Variants in RBFOX3 observed in about 807,000 individuals in gnomAD.
RBFOX3 encodes the protein RNA binding fox-1 homolog 3.
RBFOX3 carries 17 observed loss-of-function variants against 48.7 expected under a neutral mutation model. That is an observed-to-expected ratio of 0.35 (90% CI 0.24 to 0.52). The LOEUF (loss-of-function observed/expected upper bound fraction) is 0.52. RBFOX3 is among the 20% of genes least tolerant of loss of function. RBFOX3 has a pLI of 0.94. For missense variants in RBFOX3, 382 were observed against 497.5 expected (o/e 0.77, Z 2.21); for synonymous variants, 212 against 209.5 (o/e 1.01, Z -0.10).
At chr17:79,307,454 T>A (rs1051886921) in intron 3 of RBFOX3, among the ~76,000 whole-genome samples, 1 of 152,270 alleles carries the variant, frequency 6.6e-6, no homozygotes, top group African/African-American at 2.4e-5. Context: ...CTTACCTCCC[T>A]TGCTTGCTGA....
intron 1 of RBFOX3, among the ~76,000 whole-genome samples, chr17:79,596,383 G>C (rs1490046081): frequency 6.6e-6 from 1 of 152,148 alleles, no homozygotes; most frequent in African/African-American, 2.4e-5. Context: ...CCAGGCCCTG[G>C]GGCTCTCTGA....
At chr17:79,283,289 A>C (rs1285577801) in intron 3 of RBFOX3, among the ~76,000 whole-genome samples, 1 of 112,252 alleles carries the variant, frequency 8.9e-6, no homozygotes, top group Non-Finnish European at 1.7e-5. Flanking sequence ...TTTTTTTGAG[A>C]TGGGAGTCTT....
At chr17:79,137,427 C>T (rs1212391190) in intron 4 of RBFOX3, among the ~76,000 whole-genome samples, 1 of 152,100 alleles carries the variant, frequency 6.6e-6, no homozygotes, top group African/African-American at 2.4e-5. Context: ...GGCAAAATCA[C>T]CCCCTGTTGA....
chr17:79,542,979 G>A (rs1203337279), intron 1 of RBFOX3, among the ~76,000 whole-genome samples: 1 of 152,052 alleles, frequency 6.6e-6, no homozygotes, highest in Non-Finnish European at 1.5e-5. Context: ...CACGTCAACT[G>A]CCCAGCTCTC....
At chr17:79,488,506 A>C (rs2080002238) in intron 1 of RBFOX3, among the ~76,000 whole-genome samples, 1 of 152,188 alleles carries the variant, frequency 6.6e-6, no homozygotes. Context: ...CAACAGCCTG[A>C]TTGGCATGCC....
chr17:79,175,942 C>T (rs1489113758), intron 4 of RBFOX3, among the ~76,000 whole-genome samples: 3 of 152,192 alleles, frequency 2.0e-5, no homozygotes, highest in African/African-American at 4.8e-5. Context: ...CCTGGGGGCT[C>T]GCATACACCC....
At chr17:79,206,892 T>C (rs1184686137) in intron 4 of RBFOX3, among the ~76,000 whole-genome samples, 1 of 152,194 alleles carries the variant, frequency 6.6e-6, no homozygotes, top group Non-Finnish European at 1.5e-5. Flanking sequence ...ATTGACTCAA[T>C]AGTACACCTG....
chr17:79,332,508 A>AG lies in RBFOX3; in HGVS notation c.-174-24685dup, dbSNP rs1297831860. Among the ~76,000 whole-genome samples the AG allele has an allele frequency of 1.6e-4, 22 of 140,680 alleles. No homozygotes were observed. The Admixed American group carries it at 1.6e-3, about 10-fold the overall frequency. 92.3% of individuals were successfully genotyped at this position (140,680 alleles called of 152,430 possible). ...AGATGAGAGACGGGGTGCAGAGGGGAGGGGAGCACATGAGTGAGGGGCAGC... is the reference window on the plus strand; with the variant it reads ...AGATGAGAGACGGGGTGCAGAGGGGAGGGGGAGCACATGAGTGAGGGGCAGC... On this transcript the variant is annotated intron_variant, in intron 2 of 14. Coordinates refer to ENST00000693108, the MANE Select transcript of RBFOX3 (RefSeq NM_001350451.2).
chr17:79,301,365 G>T (rs1236622815), intron 3 of RBFOX3, among the ~76,000 whole-genome samples: 1 of 152,242 alleles, frequency 6.6e-6, no homozygotes, highest in Non-Finnish European at 1.5e-5. Flanking sequence ...GTCTCCCAGG[G>T]TGATGCAGCT....
chr17:79,516,264 G>A (rs2085236731), intron 1 of RBFOX3: 1 of 152,216 alleles, frequency 6.6e-6, no homozygotes, highest in South Asian at 2.1e-4. Context: ...AGTAAGAAGG[G>A]ACAGACATTG....
At chr17:79,454,448 C>T (rs956693829) in intron 2 of RBFOX3, among the ~76,000 whole-genome samples, 1 of 152,260 alleles carries the variant, frequency 6.6e-6, no homozygotes. Context: ...CCACCAACCT[C>T]ACCTCTCCTG....
intron 4 of RBFOX3, among the ~76,000 whole-genome samples, chr17:79,155,312 C>A (rs2045533064): frequency 6.6e-6 from 1 of 152,168 alleles, no homozygotes. Context: ...TCAGACTCCT[C>A]AACACTTTCC....
chr17:79,295,205 A>G (rs2074132727), intron 3 of RBFOX3, among the ~76,000 whole-genome samples: 1 of 152,186 alleles, frequency 6.6e-6, no homozygotes, highest in African/African-American at 2.4e-5. Context: ...CAGCACGCAG[A>G]TGAAATCCGC....
At chr17:79,262,860 C>A (rs1338252429) in intron 3 of RBFOX3, among the ~76,000 whole-genome samples, 2 of 152,272 alleles carry the variant, frequency 1.3e-5, no homozygotes, top group African/African-American at 4.8e-5. Context: ...GGCGAGGCTC[C>A]TTCTTGCTTC....
At chr17:79,531,515 GA>G in intron 1 of RBFOX3, among the ~76,000 whole-genome samples, 1 of 152,268 alleles carries the variant, frequency 6.6e-6, no homozygotes, top group East Asian at 1.9e-4. Flanking sequence ...GTGCACGGGG[GA>G]GACGGAATAA....
At chr17:79,446,788 G>A (rs560419563) in intron 2 of RBFOX3, among the ~76,000 whole-genome samples, 9 of 113,084 alleles carry the variant, frequency 8.0e-5, no homozygotes, top group Admixed American at 5.5e-4. Context: ...GGGCAGTCAC[G>A]GAGCTGCACA....
upstream of RBFOX3, among the ~76,000 whole-genome samples, chr17:79,611,263 C>CGGCGGCGCG (rs1376390537): frequency 4.0e-5 from 6 of 149,316 alleles, no homozygotes; most frequent in African/African-American, 1.0e-4. Context: ...GAGCACGCGG[C>CGGCGGCGCG]GGCGGCGCGG....
intron 2 of RBFOX3, among the ~76,000 whole-genome samples, chr17:79,332,341 C>T (rs564342996): frequency 1.4e-3 from 133 of 95,040 alleles, no homozygotes; most frequent in Non-Finnish European, 2.3e-3. Context: ...CTGAGCACAG[C>T]TGCCAGGGAG....
chr17:79,620,630 C>T, the RBFOX3 span, among the ~76,000 whole-genome samples: 1 of 10,732 alleles, frequency 9.3e-5, no homozygotes, highest in Non-Finnish European at 1.0e-3. Flanking sequence ...CACATGCACA[C>T]ACGCACACGC....
Sources: gnomAD v4.1 joint callset for allele counts (sites outside exome capture counted in the v4.1 genomes callset) on GRCh38, gnomAD v4.1.1 for gene constraint, MANE v1.5 for transcripts, NCBI Gene and HGNC (gene_info 2026-07-23, HGNC 2026-07-21) for gene names.